GRK5: variants seen among roughly 807,000 people sequenced by gnomAD.
The protein encoded by GRK5 is g protein-coupled receptor kinase GRK5.
A neutral mutation model predicts 78.4 loss-of-function variants in GRK5; 40 were observed. The observed-to-expected ratio is 0.51, with a 90% CI of 0.40 to 0.66. GRK5 has a LOEUF of 0.66. Among genes scored for constraint, GRK5 ranks in the 30% least tolerant of loss-of-function variants. The pLI is 0.00. For synonymous variants in GRK5, 289 were observed against 296.8 expected, an observed-to-expected ratio of 0.97 and a Z score of 0.27; for missense variants, 598 against 759.9, an observed-to-expected ratio of 0.79 and a Z score of 2.50.
chr10:119,388,353 T>C (rs1468691358), intron 3 of GRK5, among the ~76,000 whole-genome samples: 4 of 150,858 alleles, frequency 2.7e-5, no homozygotes, highest in Non-Finnish European at 5.9e-5. Flanking sequence ...TTGTTCTTTT[T>C]TGAGACAGAG....
At chr10:119,354,515 C>T (rs1302602459) in intron 2 of GRK5, among the ~76,000 whole-genome samples, 1 of 151,490 alleles carries the variant, frequency 6.6e-6, no homozygotes, top group African/African-American at 2.4e-5. Context: ...GACCCTCCCA[C>T]CTCAGCCTCC....
intron 9 of GRK5, 53 bp from the exon 10 acceptor site, chr10:119,439,678 A>G: frequency 6.2e-7 from 1 of 1,602,072 alleles, no homozygotes; most frequent in South Asian, 1.1e-5. Flanking sequence ...ATGCCAGTGT[A>G]TCCTACCTGC....
intron 1 of GRK5, among the ~76,000 whole-genome samples, chr10:119,308,105 T>C (rs1185860825): frequency 1.3e-5 from 2 of 152,096 alleles, no homozygotes; most frequent in African/African-American, 2.4e-5. Flanking sequence ...CCAGTGCGCC[T>C]TTGTAGGCCG....
At chr10:119,374,606 G>A (rs1175892470) in intron 2 of GRK5, among the ~76,000 whole-genome samples, 1 of 152,206 alleles carries the variant, frequency 6.6e-6, no homozygotes, top group African/African-American at 2.4e-5. Context: ...GTTGCTTATT[G>A]TATGTGCATG....
At chr10:119,328,736 G>T (rs1362679435) in intron 2 of GRK5, among the ~76,000 whole-genome samples, 3 of 152,242 alleles carry the variant, frequency 2.0e-5, no homozygotes, top group African/African-American at 7.2e-5. Flanking sequence ...CATCTCCAAG[G>T]GGAGCAATGT....
At chr10:119,325,834 C>A (rs776968846) in intron 1 of GRK5, among the ~76,000 whole-genome samples, 8 of 152,358 alleles carry the variant, frequency 5.3e-5, no homozygotes, top group African/African-American at 1.4e-4. Flanking sequence ...CGTGACTGTT[C>A]ATTACATGTG....
intron 1 of GRK5, among the ~76,000 whole-genome samples, chr10:119,219,842 A>G (rs557695277): frequency 6.6e-6 from 1 of 152,338 alleles, no homozygotes; most frequent in South Asian, 2.1e-4. Flanking sequence ...GAGATGTTTC[A>G]TGCCGATAAC....
At position 119,428,110 on chromosome 10, in the gene GRK5, A is replaced by C. The variant is rs527867728; in HGVS notation, c.534-2265A>C. On this transcript the variant is annotated intron_variant, in intron 6 of 15. Coordinates refer to ENST00000392870, the MANE Select transcript of GRK5 (RefSeq NM_005308.3). ...GCAGTCTAGTGGAGCTGTGTTCGCC[A>C]TGCCCACGCCCGGTTCTGGAGCCCT... Among the ~76,000 whole-genome samples the C allele has an allele frequency of 9.8e-4, 150 of 152,370 alleles. 3 individuals carry two copies. Among genetic ancestry groups the C allele is most frequent in the African/African-American group, 3.3e-3 (138 of 41,586 alleles).
At chr10:119,332,538 G>A (rs1850799100) in intron 2 of GRK5, among the ~76,000 whole-genome samples, 1 of 152,202 alleles carries the variant, frequency 6.6e-6, no homozygotes, top group Non-Finnish European at 1.5e-5. Context: ...GTAGGTTGTT[G>A]TCTACATTCA....
At chr10:119,411,434 C>T (rs1333265301) in intron 4 of GRK5, among the ~76,000 whole-genome samples, 1 of 152,176 alleles carries the variant, frequency 6.6e-6, no homozygotes, top group Non-Finnish European at 1.5e-5. Flanking sequence ...AAATGGCAGA[C>T]TGGATGCCAT....
chr10:119,380,991 A>G (rs907065486), intron 3 of GRK5, 64 bp downstream of exon 3: 1 of 1,021,284 alleles, frequency 9.8e-7, no homozygotes, highest in Non-Finnish European at 1.5e-6. Context: ...TTTTGGCTCA[A>G]AGGAAAAAAT....
At chr10:119,419,466 T>C (rs1852527808) in intron 4 of GRK5, among the ~76,000 whole-genome samples, 1 of 152,232 alleles carries the variant, frequency 6.6e-6, no homozygotes, top group South Asian at 2.1e-4. Flanking sequence ...AGCAGCTTCT[T>C]ATTCCCATCT....
chr10:119,289,099 G>C (rs1849907963), intron 1 of GRK5, among the ~76,000 whole-genome samples: 1 of 152,120 alleles, frequency 6.6e-6, no homozygotes, highest in Non-Finnish European at 1.5e-5. Flanking sequence ...AAAGGGAGCA[G>C]ATTTTATTTT....
intron 2 of GRK5, among the ~76,000 whole-genome samples, chr10:119,370,065 A>G (rs1851523031): frequency 6.6e-6 from 1 of 152,100 alleles, no homozygotes. Context: ...TGTCCATCTC[A>G]GCCCCCAGCC....
At chr10:119,451,365 C>T (rs893671865) in intron 13 of GRK5, among the ~76,000 whole-genome samples, 7 of 151,870 alleles carry the variant, frequency 4.6e-5, no homozygotes, top group Non-Finnish European at 7.4e-5. Flanking sequence ...TTTTAAAATA[C>T]GCTCATTTCT....
intron 3 of GRK5, among the ~76,000 whole-genome samples, chr10:119,390,337 C>A (rs1379908771): frequency 6.6e-6 from 1 of 152,200 alleles, no homozygotes; most frequent in Non-Finnish European, 1.5e-5. Context: ...AAAGGCACGT[C>A]TCACATGGCG....
chr10:119,375,272 C>A (rs1851605273), intron 2 of GRK5, among the ~76,000 whole-genome samples: 1 of 152,188 alleles, frequency 6.6e-6, no homozygotes, highest in Non-Finnish European at 1.5e-5. Flanking sequence ...TTTCACCTCC[C>A]CACTGTAGCT....
At chr10:119,315,772 C>T (rs1008195788) in intron 1 of GRK5, among the ~76,000 whole-genome samples, 5 of 152,176 alleles carry the variant, frequency 3.3e-5, no homozygotes, top group African/African-American at 4.8e-5. Context: ...GCTGGGAACG[C>T]GGTAGAGTGA....
chr10:119,326,836 G>A (rs368305199), intron 2 of GRK5, among the ~76,000 whole-genome samples: 2 of 152,218 alleles, frequency 1.3e-5, no homozygotes, highest in African/African-American at 2.4e-5. Flanking sequence ...GGCATGTGCC[G>A]GGCAGAGTGA....
Sources: gnomAD v4.1 joint callset for allele counts (sites outside exome capture counted in the v4.1 genomes callset) on GRCh38, gnomAD v4.1.1 for gene constraint, MANE v1.5 for transcripts, NCBI Gene and HGNC (gene_info 2026-07-23, HGNC 2026-07-21) for gene names.